APBA1: variants seen among roughly 807,000 people sequenced by gnomAD.
APBA1 encodes the protein amyloid-beta A4 precursor protein-binding family A member 1.
A neutral mutation model predicts 86.6 loss-of-function variants in APBA1; 55 were observed. The ratio of observed to expected loss-of-function variants is 0.64; its 90% CI spans 0.51 to 0.80. The LOEUF (loss-of-function observed/expected upper bound fraction) is 0.80, where lower values mean the gene tolerates loss of function less well. Among genes scored for constraint, APBA1 ranks in the 30% least tolerant of loss-of-function variants. APBA1 has a pLI of 0.00. For missense variants in APBA1, 1,090 were observed against 1,183.0 expected (o/e 0.92, Z 1.15); for synonymous variants, 511 against 493.9 (o/e 1.03, Z -0.46).
intron 1 of APBA1, among the ~76,000 whole-genome samples, chr9:69,562,204 T>C (rs1836957020): frequency 6.6e-6 from 1 of 152,124 alleles, no homozygotes; most frequent in East Asian, 1.9e-4. Context: ...CCCACAAACA[T>C]GTATGACTAT....
chr9:69,658,304 C>CTCTCTTTCTCTCTT (rs1362898788), intron 1 of APBA1, among the ~76,000 whole-genome samples: 1 of 79,944 alleles, frequency 1.3e-5, no homozygotes, highest in South Asian at 4.9e-4. Context: ...TTCTCTCTCT[C>CTCTCTTTCTCTCTT]TCTTTCTTTC....
chr9:69,473,418 T>C (rs1835395016), intron 3 of APBA1, among the ~76,000 whole-genome samples: 1 of 152,238 alleles, frequency 6.6e-6, no homozygotes, highest in Admixed American at 6.5e-5. Context: ...CCCAAGTAAC[T>C]ATAGCCTGGG....
At chr9:69,536,704 TAAAAAAAA>T (rs71356116) in intron 1 of APBA1, among the ~76,000 whole-genome samples, 1 of 55,934 alleles carries the variant, frequency 1.8e-5, no homozygotes, top group African/African-American at 7.0e-5. Flanking sequence ...CCATCTCTAC[TAAAAAAAA>T]AAAAAAAAAA....
chr9:69,468,083 C>T, intron 4 of APBA1, 115 bp from the exon 5 acceptor site: 1 of 1,265,462 alleles, frequency 7.9e-7, no homozygotes, highest in Non-Finnish European at 1.1e-6. Context: ...GAGGCAGAGC[C>T]AACCTGCTGG....
chr9:69,575,471 A>G (rs1821775340), intron 1 of APBA1, among the ~76,000 whole-genome samples: 2 of 152,240 alleles, frequency 1.3e-5, no homozygotes, highest in Admixed American at 6.5e-5. Context: ...ACAAGGCTAC[A>G]GTAACCAAAA....
chr9:69,554,326 A>G (rs1836830145), intron 1 of APBA1, among the ~76,000 whole-genome samples: 1 of 152,214 alleles, frequency 6.6e-6, no homozygotes, highest in Non-Finnish European at 1.5e-5. Context: ...AAGGTCATGT[A>G]CTTAGTAAGT....
chr9:69,527,805 T>C (rs980103714), intron 1 of APBA1, among the ~76,000 whole-genome samples: 3 of 152,166 alleles, frequency 2.0e-5, no homozygotes, highest in Admixed American at 6.6e-5. Context: ...ATTTCGAAGT[T>C]AATTTTTGGG....
intron 2 of APBA1, among the ~76,000 whole-genome samples, chr9:69,513,394 G>A (rs947005248): frequency 2.0e-5 from 3 of 152,240 alleles, no homozygotes; most frequent in African/African-American, 7.2e-5. Context: ...AAAGCTGAAG[G>A]AAGAGGCCAG....
chr9:69,441,138 T>A (rs1834815124), intron 10 of APBA1, 23 bp from the exon 11 acceptor site: 2 of 1,606,936 alleles, frequency 1.2e-6, no homozygotes, highest in Non-Finnish European at 8.5e-7. Context: ...TAAAGTACAG[T>A]GGGTATGGTG....
At chr9:69,658,308 T>TTCTCTCTCTCTC (rs1451417842) in intron 1 of APBA1, among the ~76,000 whole-genome samples, 12 of 39,898 alleles carry the variant, frequency 3.0e-4, no homozygotes, top group African/African-American at 1.6e-3. Context: ...CTCTCTCTCT[T>TTCTCTCTCTCTC]TCTTTCTTTC....
chr9:69,528,653 C>A (rs1009838599), intron 1 of APBA1, among the ~76,000 whole-genome samples: 3 of 151,970 alleles, frequency 2.0e-5, no homozygotes, highest in African/African-American at 7.2e-5. Flanking sequence ...TCCTACACAA[C>A]TTCCTTTCTA....
At chr9:69,530,329 T>TATACAC (rs1359834235) in intron 1 of APBA1, among the ~76,000 whole-genome samples, 4 of 127,544 alleles carry the variant, frequency 3.1e-5, no homozygotes, top group African/African-American at 8.8e-5. Context: ...TATATATATA[T>TATACAC]ACACACACAC....
chr9:69,648,630 G>A (rs1423199666), intron 1 of APBA1, among the ~76,000 whole-genome samples: 2 of 152,204 alleles, frequency 1.3e-5, no homozygotes, highest in Non-Finnish European at 1.5e-5. Context: ...TTTAGCCCTC[G>A]AAGGTGAGTC....
At chr9:69,533,044 A>G (rs1836456728) in intron 1 of APBA1, among the ~76,000 whole-genome samples, 1 of 152,222 alleles carries the variant, frequency 6.6e-6, no homozygotes, top group Non-Finnish European at 1.5e-5. Context: ...GGTAAAATAA[A>G]TTATGTTGTG....
intron 1 of APBA1, among the ~76,000 whole-genome samples, chr9:69,633,275 G>T (rs1823086682): frequency 6.6e-6 from 1 of 152,098 alleles, no homozygotes; most frequent in African/African-American, 2.4e-5. Context: ...TTTTTAAAGA[G>T]TCGCTTCATT....
At chr9:69,481,896 G>T (rs1835516778) in intron 2 of APBA1, among the ~76,000 whole-genome samples, 1 of 151,940 alleles carries the variant, frequency 6.6e-6, no homozygotes, top group Admixed American at 6.5e-5. Context: ...AATAAATAGT[G>T]CTGGGAAAAC....
chr9:69,637,133 A>C (rs1360799313), intron 1 of APBA1, among the ~76,000 whole-genome samples: 2 of 152,188 alleles, frequency 1.3e-5, no homozygotes, highest in Non-Finnish European at 2.9e-5. Flanking sequence ...GATAAACTTC[A>C]CATGTTCTCA....
intron 1 of APBA1, among the ~76,000 whole-genome samples, chr9:69,556,143 G>C (rs1409051020): frequency 6.6e-6 from 1 of 152,086 alleles, no homozygotes; most frequent in East Asian, 1.9e-4. Flanking sequence ...TCTTTCATAG[G>C]AACCCTTAAA....
chr9:69,500,564 AG>A (rs140954720), intron 2 of APBA1, among the ~76,000 whole-genome samples: 6,642 of 152,182 alleles, frequency 0.044, 520 homozygotes, highest in African/African-American at 0.15. Flanking sequence ...AGAGAGATAC[AG>A]GAGAACGATG....
Sources: allele counts gnomAD v4.1 joint callset (sites outside exome capture counted in the v4.1 genomes callset), GRCh38; gene constraint gnomAD v4.1.1; transcripts MANE v1.5; gene names NCBI Gene and HGNC (gene_info 2026-07-23, HGNC 2026-07-21).